The following MAPKAP1 variants were observed in gnomAD, a reference collection of about 807,000 sequenced individuals.
The protein encoded by MAPKAP1 is MAPK associated protein 1, also known as target of rapamycin complex 2 subunit MAPKAP1.
A neutral mutation model predicts 65.7 loss-of-function variants in MAPKAP1; 20 were observed. The ratio of observed to expected loss-of-function variants is 0.30; its 90% CI spans 0.21 to 0.44. MAPKAP1 has a LOEUF of 0.44. Ranked by LOEUF, MAPKAP1 falls within the 20% of genes least tolerant of loss-of-function variation. MAPKAP1 has a pLI of 1.00. For synonymous variants in MAPKAP1, 222 were observed against 244.3 expected, an observed-to-expected ratio of 0.91 and a Z score of 0.85; for missense variants, 423 against 648.0, an observed-to-expected ratio of 0.65 and a Z score of 3.77.
At chr9:125,582,321 T>C (rs1271277744) in intron 5 of MAPKAP1, among the ~76,000 whole-genome samples, 1 of 152,254 alleles carries the variant, frequency 6.6e-6, no homozygotes, top group African/African-American at 2.4e-5. Flanking sequence ...TTGAAATTAA[T>C]TTTCAGACTG....
intron 4 of MAPKAP1, among the ~76,000 whole-genome samples, chr9:125,644,473 G>T (rs1833669793): frequency 6.6e-6 from 1 of 152,132 alleles, no homozygotes; most frequent in African/African-American, 2.4e-5. Context: ...TAAGAGACCA[G>T]ATAAAGAATT....
At chr9:125,687,984 A>G (rs1177578141) in intron 1 of MAPKAP1, among the ~76,000 whole-genome samples, 1 of 152,178 alleles carries the variant, frequency 6.6e-6, no homozygotes, top group Non-Finnish European at 1.5e-5. Context: ...ATAATCCTCA[A>G]ACTACTTTTA....
At chr9:125,521,276 C>A (rs1309372137) in intron 7 of MAPKAP1, among the ~76,000 whole-genome samples, 5 of 140,526 alleles carry the variant, frequency 3.6e-5, no homozygotes, top group African/African-American at 5.6e-5. Flanking sequence ...AGGTCCCCTA[C>A]TATTTGTAAA....
chr9:125,601,173 T>C (rs202125534), intron 4 of MAPKAP1, among the ~76,000 whole-genome samples: 1 of 40,134 alleles, frequency 2.5e-5, no homozygotes, highest in Non-Finnish European at 7.1e-5. Flanking sequence ...AAAAAGGTTA[T>C]AGTACAGCCA....
chr9:125,695,948 G>A (rs1036144096), intron 1 of MAPKAP1, among the ~76,000 whole-genome samples: 2 of 151,960 alleles, frequency 1.3e-5, no homozygotes, highest in Admixed American at 6.6e-5. Context: ...GGCTGGTCTT[G>A]AACTCCCAAC....
At chr9:125,563,501 T>C (rs898735276) in intron 5 of MAPKAP1, among the ~76,000 whole-genome samples, 8 of 152,212 alleles carry the variant, frequency 5.3e-5, no homozygotes, top group Admixed American at 2.0e-4. Context: ...CAAAATTTGG[T>C]CAATATTTCT....
At chr9:125,638,870 G>A (rs1833497567) in intron 4 of MAPKAP1, among the ~76,000 whole-genome samples, 1 of 152,204 alleles carries the variant, frequency 6.6e-6, no homozygotes, top group African/African-American at 2.4e-5. Context: ...CACCTTTGGG[G>A]CCAACCCCTT....
chr9:125,695,260 A>G (rs1407250541), intron 1 of MAPKAP1, among the ~76,000 whole-genome samples: 1 of 152,244 alleles, frequency 6.6e-6, no homozygotes, highest in Non-Finnish European at 1.5e-5. Context: ...ATTATAAATT[A>G]GAGCAGACAA....
intron 10 of MAPKAP1, among the ~76,000 whole-genome samples, chr9:125,446,533 A>G (rs1852721862): frequency 6.6e-6 from 1 of 152,172 alleles, no homozygotes. Flanking sequence ...TGTCGGTGAC[A>G]TCCCTGTGTG....
chr9:125,448,111 TGGAGGCGA>T (rs905417210), intron 10 of MAPKAP1, among the ~76,000 whole-genome samples: 2 of 152,124 alleles, frequency 1.3e-5, no homozygotes, highest in Non-Finnish European at 1.5e-5. Context: ...CCCTGGAGCC[TGGAGGCGA>T]GGTAAGCAGT....
At chr9:125,449,161 GA>G (rs1295312692) in intron 10 of MAPKAP1, among the ~76,000 whole-genome samples, 3 of 152,076 alleles carry the variant, frequency 2.0e-5, no homozygotes, top group South Asian at 4.1e-4. Context: ...AGACACAGAG[GA>G]AAAAAAGCAT....
chr9:125,614,016 T>C (rs1379912313), intron 4 of MAPKAP1, among the ~76,000 whole-genome samples: 2 of 152,074 alleles, frequency 1.3e-5, no homozygotes, highest in East Asian at 3.9e-4. Flanking sequence ...GCCAGGATGG[T>C]CTTGATCTCC....
At position 125,438,044 on chromosome 9, in the gene MAPKAP1, G is replaced by A; in HGVS notation, c.*843C>T. 3.8e-6 allele frequency: 1 copy of A among 259,962 alleles called. No homozygotes were observed. The highest frequency in any genetic ancestry group is 6.8e-5 in the East Asian group (1 of 14,642). 16.1% of individuals were successfully genotyped at this position (259,962 alleles called of 1,614,324 possible). A position where few individuals can be genotyped will look rare whatever the true frequency, so the allele number is the denominator to read the frequency against. On this transcript the variant is annotated 3_prime_UTR_variant, in exon 12 of 12. Coordinates refer to ENST00000265960, the MANE Select transcript of MAPKAP1 (RefSeq NM_001006617.3). ...GCCCCTTCCAAGGCAGCGAAGCAGA[G>A]AACATGCAGGTGGAACTGCCAGCTG...
chr9:125,443,663 G>A (rs960046422), intron 11 of MAPKAP1, among the ~76,000 whole-genome samples: 2 of 151,534 alleles, frequency 1.3e-5, no homozygotes, highest in Non-Finnish European at 1.5e-5. Context: ...ACTCTGCAAG[G>A]CCCTGCACGG....
chr9:125,475,804 T>G (rs1294591735), intron 9 of MAPKAP1, among the ~76,000 whole-genome samples: 1 of 152,186 alleles, frequency 6.6e-6, no homozygotes, highest in Non-Finnish European at 1.5e-5. Context: ...TGATGTCAGC[T>G]AGGAAGCAGC....
At chr9:125,621,192 A>G (rs560367520) in intron 4 of MAPKAP1, among the ~76,000 whole-genome samples, 1 of 152,064 alleles carries the variant, frequency 6.6e-6, no homozygotes, top group East Asian at 1.9e-4. Flanking sequence ...GGATCACTTG[A>G]GCCTGTGAGG....
intron 1 of MAPKAP1, among the ~76,000 whole-genome samples, chr9:125,693,694 T>TACACGTATATATACACATATATAC (rs1564620221): frequency 1.6e-5 from 2 of 123,872 alleles, no homozygotes; most frequent in Non-Finnish European, 3.3e-5. Flanking sequence ...CACGTATATA[T>TACACGTATATATACACATATATAC]ACACGTATAT....
chr9:125,475,882 C>T (rs375566162), intron 9 of MAPKAP1, among the ~76,000 whole-genome samples: 17 of 152,130 alleles, frequency 1.1e-4, no homozygotes, highest in African/African-American at 3.9e-4. Flanking sequence ...ATGTTCAGGC[C>T]CTGTTGGAGC....
chr9:125,449,222 G>A (rs927066180), intron 10 of MAPKAP1, among the ~76,000 whole-genome samples: 2 of 152,146 alleles, frequency 1.3e-5, no homozygotes, highest in Non-Finnish European at 2.9e-5. Flanking sequence ...CCATGTTTCA[G>A]CTGTGGGACC....
Sources: gnomAD v4.1 joint callset for allele counts (sites outside exome capture counted in the v4.1 genomes callset) on GRCh38, gnomAD v4.1.1 for gene constraint, MANE v1.5 for transcripts, NCBI Gene and HGNC (gene_info 2026-07-23, HGNC 2026-07-21) for gene names.